Variants in PSIP1 observed in about 807,000 individuals in gnomAD.
PSIP1 encodes the protein PC4 and SFRS1-interacting protein.
In PSIP1, 19 loss-of-function variants were observed where a neutral mutation model predicts 74.7. The observed-to-expected ratio is 0.25, with a 90% CI of 0.18 to 0.37. The LOEUF (loss-of-function observed/expected upper bound fraction) is 0.37. Among genes scored for constraint, PSIP1 ranks in the 10% least tolerant of loss-of-function variants. The pLI, the probability that PSIP1 is intolerant of heterozygous loss-of-function variation, is 1.00. For synonymous variants in PSIP1, 222 were observed against 195.3 expected (o/e 1.14, Z -1.14); for missense variants, 601 against 614.3 (o/e 0.98, Z 0.23).
intron 3 of PSIP1, among the ~76,000 whole-genome samples, chr9:15,492,654 C>T (rs994241384): frequency 6.6e-6 from 1 of 152,210 alleles, no homozygotes; most frequent in African/African-American, 2.4e-5. Flanking sequence ...TTCCCTTCCA[C>T]ACAGTCCTAG....
chr9:15,490,190 C>T (rs2036758734), intron 3 of PSIP1, 66 bp from the exon 4 acceptor site: 2 of 1,335,326 alleles, frequency 1.5e-6, no homozygotes, highest in African/African-American at 3.0e-5. Flanking sequence ...TTAGATAAGA[C>T]ACCCTATTAC....
At chr9:15,469,492 G>C (rs1587455297) in intron 11 of PSIP1, among the ~76,000 whole-genome samples, 156 bp from the exon 12 acceptor site, 1 of 152,008 alleles carries the variant, frequency 6.6e-6, no homozygotes, top group Admixed American at 6.5e-5. Flanking sequence ...GCTTAACTAA[G>C]AATAAGTACT....
chr9:15,474,902 A>T (rs763811876), intron 8 of PSIP1, among the ~76,000 whole-genome samples: 4 of 152,230 alleles, frequency 2.6e-5, no homozygotes, highest in Non-Finnish European at 4.4e-5. Context: ...TAAAAACTGT[A>T]ACCTTTTAAC....
chr9:15,465,232 A>C lies in PSIP1; in HGVS notation c.*288T>G. 3.0e-6 allele frequency: 1 copy of C among 337,034 alleles called. No homozygotes were observed. Among genetic ancestry groups the C allele is most frequent in the Non-Finnish European group, 5.4e-6 (1 of 186,828 alleles). The allele number at this position is 337,034 out of a possible 1,614,324, so 20.9% of individuals were successfully genotyped here. The stretch of plus-strand genomic sequence containing the variant: ...TTGTTCTACTATCAATTACACATTA[A>C]CATACACACACTAATTGAAAATATG... On this transcript the variant is annotated 3_prime_UTR_variant, in exon 16 of 16. Transcript: ENST00000380733.
intron 3 of PSIP1, among the ~76,000 whole-genome samples, chr9:15,495,152 G>A (rs2037016923): frequency 6.6e-6 from 1 of 152,098 alleles, no homozygotes. Flanking sequence ...CAAAATTGGG[G>A]TGACCAGGAA....
rs1420680113 is a variant in PSIP1, at chr9:15,486,054, T to C, written c.408A>G (p.Ala136=). The C allele has an allele frequency of 7.5e-6, 12 of 1,606,756 alleles. No homozygotes were observed. Among genetic ancestry groups the C allele is most frequent in the Non-Finnish European group, 1.0e-5 (12 of 1,175,192 alleles). ...CAGCTTTTGGAGTAGTTATGTCAAC[T>C]GCTTTAGTCACATCCTAAAAAAGAA... ...EKASNEDVTK[A]VDITTPKAAR... The change falls in exon 6 of 16, where the codon GCA becomes GCG. Residue 136 remains alanine, a synonymous_variant. Coordinates refer to ENST00000380733, the MANE Select transcript of PSIP1 (RefSeq NM_033222.5).
intron 15 of PSIP1, 82 bp downstream of exon 15, chr9:15,466,666 G>C: frequency 9.3e-7 from 1 of 1,076,970 alleles, no homozygotes; most frequent in Non-Finnish European, 1.3e-6. Flanking sequence ...GCTTATTATA[G>C]TAAGATAACC....
intron 3 of PSIP1, among the ~76,000 whole-genome samples, chr9:15,502,808 G>C (rs2037408611): frequency 6.6e-6 from 1 of 152,100 alleles, no homozygotes; most frequent in African/African-American, 2.4e-5. Context: ...GAATATGTTA[G>C]GTTTAAAATA....
chr9:15,466,094 T>G (rs1054322654), intron 15 of PSIP1: 1 of 152,952 alleles, frequency 6.5e-6, no homozygotes, highest in East Asian at 1.9e-4. Context: ...AAATAGCCTG[T>G]GATGGCCGGG....
intron 4 of PSIP1, among the ~76,000 whole-genome samples, chr9:15,488,817 CGA>C (rs2036679548): frequency 6.6e-6 from 1 of 151,170 alleles, no homozygotes; most frequent in South Asian, 2.1e-4. Context: ...GTCAGGAGAT[CGA>C]GACCATCCTG....
chr9:15,472,505 C>G lies in PSIP1; in HGVS notation c.977+127G>C, dbSNP rs944809064. 2.8e-6 allele frequency: 4 copies of G among 1,432,364 alleles called. No individual in the cohort carries two copies. The African/African-American group carries it at 4.4e-5, about 16-fold the overall frequency. The allele number at this position is 1,432,364 out of a possible 1,614,324, so 88.7% of individuals were successfully genotyped here. A position where few individuals can be genotyped will look rare whatever the true frequency, so the allele number is the denominator to read the frequency against. On this transcript the variant is annotated intron_variant, in intron 10 of 15. Transcript: ENST00000380733. ...TCATCATCATATATTGAAGATTTTTCTAACACATGGGAAAAGTCACTTCTT... is the reference window on the plus strand; with the variant it reads ...TCATCATCATATATTGAAGATTTTTGTAACACATGGGAAAAGTCACTTCTT...
Position 15,469,298 on chromosome 9 carries a change from C to T in PSIP1, c.1072G>A (p.Glu358Lys). Residue 358 changes from glutamate (E) to lysine (K), a missense_variant, in exon 12 of 16, where the codon GAG becomes AAG. Around this residue, in one of 2 missense-constraint regions of PSIP1, gnomAD observed 538 missense variants for 507.6 expected, o/e 1.06. Coordinates refer to ENST00000380733, the MANE Select transcript of PSIP1 (RefSeq NM_033222.5). ...TCAATTTTGAGTGAATTTTTAATCT[C>T]AGCATGTATCCTTTGAAGTCGAGAA... is the stretch of plus-strand genomic sequence containing the variant. ...MDSRLQRIHA[E>K]IKNSLKIDNL... 5.1e-6 allele frequency: 8 copies of T among 1,571,784 alleles called. No homozygotes were observed. The highest frequency in any genetic ancestry group is 6.9e-6 in the Non-Finnish European group (8 of 1,154,898).
chr9:15,510,729 T>C (rs1368107265), intron 1 of PSIP1, 88 bp downstream of exon 1: 2 of 151,592 alleles, frequency 1.3e-5, no homozygotes, highest in African/African-American at 4.9e-5. Context: ...CCCCCTCGGC[T>C]CCCGGGCGGG....
chr9:15,476,231 T>C lies in PSIP1; in HGVS notation c.630-1994A>G, dbSNP rs149401062. The stretch of plus-strand genomic sequence containing the variant: ...GCTACTGCTATTTTAGGGTTGTCCA[T>C]TGCCTCAGGAAAAAGCTCACTAATA... On this transcript the variant is annotated intron_variant, in intron 8 of 15. Coordinates refer to ENST00000380733, the MANE Select transcript of PSIP1 (RefSeq NM_033222.5). Among the ~76,000 whole-genome samples the C allele has an allele frequency of 2.5e-4, 38 of 152,252 alleles. 1 individual carries two copies. In the East Asian group the frequency reaches 6.9e-3, roughly 28 times the overall value.
At chr9:15,503,753 G>C (rs1477135815) in intron 3 of PSIP1, among the ~76,000 whole-genome samples, 1 of 151,286 alleles carries the variant, frequency 6.6e-6, no homozygotes, top group Non-Finnish European at 1.5e-5. Context: ...GTATTTTTTT[G>C]TTTGTTTTTT....
intron 6 of PSIP1, among the ~76,000 whole-genome samples, chr9:15,480,616 T>C (rs561116243): frequency 2.6e-5 from 4 of 152,330 alleles, no homozygotes; most frequent in African/African-American, 7.2e-5. Flanking sequence ...ATTGGCAATA[T>C]AGAATGTGCA....
At chr9:15,501,201 G>A (rs1417376912) in intron 3 of PSIP1, among the ~76,000 whole-genome samples, 2 of 151,974 alleles carry the variant, frequency 1.3e-5, no homozygotes, top group Admixed American at 6.6e-5. Context: ...TGATCTAGTT[G>A]CTCTACATAA....
intron 9 of PSIP1, 93 bp downstream of exon 9, chr9:15,473,916 A>C (rs1563870339): frequency 1.2e-4 from 84 of 678,890 alleles, no homozygotes; most frequent in South Asian, 2.6e-4. Flanking sequence ...AAAAAAAAAC[A>C]AAAAAAAAAA....
chr9:15,505,106 T>G (rs1347978504), intron 3 of PSIP1: 1 of 151,988 alleles, frequency 6.6e-6, no homozygotes, highest in East Asian at 1.9e-4. Flanking sequence ...AAACGGCTAA[T>G]TTTTGTATTT....
Sources: allele counts gnomAD v4.1 joint callset (sites outside exome capture counted in the v4.1 genomes callset), GRCh38; gene constraint gnomAD v4.1.1; regional missense constraint gnomAD v4.1.1; transcripts MANE v1.5; gene names NCBI Gene and HGNC (gene_info 2026-07-23, HGNC 2026-07-21).